Variants in BRIP1 observed in about 807,000 individuals in gnomAD.
BRIP1 encodes the protein Fanconi anemia group J protein.
In BRIP1, 88 loss-of-function variants were observed where a neutral mutation model predicts 119.7. The observed-to-expected ratio is 0.74, with a 90% confidence interval of 0.62 to 0.88. The LOEUF (loss-of-function observed/expected upper bound fraction) is 0.88. Among genes scored for constraint, BRIP1 ranks in the 40% least tolerant of loss-of-function variants. The probability of loss-of-function intolerance (pLI) is 0.00; values close to 1 mark genes in which losing one functional copy is unlikely to be tolerated. For synonymous variants in BRIP1, 443 were observed against 496.5 expected, an observed-to-expected ratio of 0.89 and a Z score of 1.43; for missense variants, 1,259 against 1,455.4, an observed-to-expected ratio of 0.87 and a Z score of 2.20.
At position 61,815,400 on chromosome 17, in the gene BRIP1, T is replaced by C. The variant is rs1186792456; in HGVS notation, c.628-6643A>G. 6.6e-6 allele frequency among the ~76,000 whole-genome samples: 1 copy of C among 152,200 alleles called. No homozygotes were observed. Among genetic ancestry groups the C allele is most frequent in the Non-Finnish European group, 1.5e-5 (1 of 68,022 alleles). On this transcript the variant is annotated intron_variant, in intron 6 of 19. Transcript: ENST00000259008. This position sits in a 1 kb window ranked among gnomAD's most constrained non-coding sequence, Gnocchi z 4.1. ...TTAGGGCTTTATTCCAGAATTTATATCTGGTTTTTTAACGAAAATCAAATG... is the reference window on the plus strand; with the variant it reads ...TTAGGGCTTTATTCCAGAATTTATACCTGGTTTTTTAACGAAAATCAAATG...
Position 61,735,642 on chromosome 17 carries a change from C to T in BRIP1, c.2379+7371G>A, listed in dbSNP as rs574465444. Among the ~76,000 whole-genome samples, 1 of 150,852 alleles carries T rather than the reference C, an allele frequency of 6.6e-6. No individual in the cohort carries two copies. Among genetic ancestry groups the T allele is most frequent in the East Asian group, 2.0e-4 (1 of 5,110 alleles). On this transcript the variant is annotated intron_variant, in intron 16 of 19. Transcript: ENST00000259008. This position sits in a 1 kb window ranked among gnomAD's most constrained non-coding sequence, Gnocchi z 4.4. Reference sequence around the variant, plus strand: ...TGCCTCTACAAAAAAAAAAAAACCACGTTTAAAAATTAGCTGGGTGTGGTG... The same window carrying T: ...TGCCTCTACAAAAAAAAAAAAACCATGTTTAAAAATTAGCTGGGTGTGGTG...
chr17:61,686,440 G>A lies in BRIP1; in HGVS notation c.2576-275C>T, dbSNP rs1567732337. Among the ~76,000 whole-genome samples, 1 of 151,954 alleles carries A rather than the reference G, an allele frequency of 6.6e-6. No individual in the cohort carries two copies. Among genetic ancestry groups the A allele is most frequent in the South Asian group, 2.1e-4 (1 of 4,826 alleles). ...CAGAGATGGGAAAACATATTCTCTGGTTAAGAATAACTGGTGAACATGGCA... is the reference window on the plus strand; with the variant it reads ...CAGAGATGGGAAAACATATTCTCTGATTAAGAATAACTGGTGAACATGGCA... On this transcript the variant is annotated intron_variant, in intron 18 of 19. Transcript: ENST00000259008. The surrounding 1 kb of genome is among the most constrained non-coding windows in gnomAD (Gnocchi z 5.4).
intron 6 of BRIP1, among the ~76,000 whole-genome samples, chr17:61,820,256 A>G (rs990889361): frequency 7.9e-5 from 12 of 152,318 alleles, no homozygotes; most frequent in African/African-American, 2.4e-4. Context: ...AGGTACACAC[A>G]TTTGCCCTCC....
At chr17:61,813,163 C>T (rs551097550) in intron 6 of BRIP1, among the ~76,000 whole-genome samples, 2 of 150,146 alleles carry the variant, frequency 1.3e-5, no homozygotes, top group Non-Finnish European at 3.0e-5. Flanking sequence ...GGCAGGAGTA[C>T]GAAAACTAAG....
At position 61,827,435 on chromosome 17, in the gene BRIP1, T is replaced by TA. The variant is rs1216822910; in HGVS notation, c.628-18679dup. Among the ~76,000 whole-genome samples the TA allele has an allele frequency of 6.6e-6, 1 of 151,584 alleles. No homozygotes were observed. The highest frequency in any genetic ancestry group is 1.5e-5 in the Non-Finnish European group (1 of 67,884). On this transcript the variant is annotated intron_variant, in intron 6 of 19. Coordinates refer to ENST00000259008, the MANE Select transcript of BRIP1 (RefSeq NM_032043.3). The surrounding 1 kb of genome is among the most constrained non-coding windows in gnomAD (Gnocchi z 5.8). ...CTGAACTTAAAATAAAAATTAAATT[T>TA]AAAAAAAATGGGGCTGGGAGTGGTG...
At position 61,765,354 on chromosome 17, in the gene BRIP1, A is replaced by ATGTG. The variant is rs146643187; in HGVS notation, c.2097+11043_2097+11046dup. Among the ~76,000 whole-genome samples, 271 of 41,536 alleles carry ATGTG rather than the reference A, an allele frequency of 6.5e-3. 12 individuals are homozygous for ATGTG. Among genetic ancestry groups the ATGTG allele is most frequent in the Admixed American group, 0.032 (101 of 3,158 alleles). 27.2% of individuals were successfully genotyped at this position (41,536 alleles called of 152,430 possible). ...CATACACATATACACATACATATGTATGTGTGTGTGTGTGTGTGTATATAT... is the reference window on the plus strand; with the variant it reads ...CATACACATATACACATACATATGTATGTGTGTGTGTGTGTGTGTGTGTATATAT... On this transcript the variant is annotated intron_variant, in intron 14 of 19. Transcript: ENST00000259008.
rs1031302672 is a variant in BRIP1 at position 61,738,212 on chromosome 17, A to G, written c.2379+4801T>C. 2.6e-5 allele frequency among the ~76,000 whole-genome samples: 4 copies of G among 152,230 alleles called. No homozygotes were observed. Among genetic ancestry groups the G allele is most frequent in the Admixed American group, 2.6e-4 (4 of 15,290 alleles). On this transcript the variant is annotated intron_variant, in intron 16 of 19. Coordinates refer to ENST00000259008, the MANE Select transcript of BRIP1 (RefSeq NM_032043.3). This position sits in a 1 kb window ranked among gnomAD's most constrained non-coding sequence, Gnocchi z 4.2. ...AGATCATCTGTCACCCAATCACTCC[A>G]GAGATGTATGACCTGTAATAAATGA...
chr17:61,851,501 C>T lies in BRIP1; in HGVS notation c.380-2245G>A, dbSNP rs2078821869. Among the ~76,000 whole-genome samples, 2 of 152,030 alleles carry T rather than the reference C, an allele frequency of 1.3e-5. No individual in the cohort carries two copies. Among genetic ancestry groups the T allele is most frequent in the African/African-American group, 2.4e-5 (1 of 41,410 alleles). ...TTTTCCATATGGACATCTAACAGGC[C>T]TAGCACCACCCAAGTTCTTCCTTTC... On this transcript the variant is annotated intron_variant, in intron 4 of 19. Coordinates refer to ENST00000259008, the MANE Select transcript of BRIP1 (RefSeq NM_032043.3). The surrounding 1 kb of genome is among the most constrained non-coding windows in gnomAD (Gnocchi z 4.6).
chr17:61,697,428 T>C (rs1005597384), intron 17 of BRIP1, among the ~76,000 whole-genome samples: 35 of 151,016 alleles, frequency 2.3e-4, no homozygotes, highest in African/African-American at 7.7e-4. Flanking sequence ...TATGAATTTG[T>C]CCATTTAATC....
At chr17:61,719,204 A>G (rs956277311) in intron 16 of BRIP1, among the ~76,000 whole-genome samples, 4 of 139,980 alleles carry the variant, frequency 2.9e-5, no homozygotes, top group African/African-American at 1.0e-4. Flanking sequence ...TTGCAGCACT[A>G]TTCTCAATAA....
rs1399486762 is a variant in BRIP1, at chr17:61,759,137, TTTAG to T, written c.2098-14550_2098-14547del. On this transcript the variant is annotated intron_variant, in intron 14 of 19. Transcript: ENST00000259008. This position sits in a 1 kb window ranked among gnomAD's most constrained non-coding sequence, Gnocchi z 4.9. ...CATAGAGTCTTAATTCCCAGAGCAATTTAGAAAGAGTAAGAAAAGAAGATCCAAC... is the reference window on the plus strand; with the variant it reads ...CATAGAGTCTTAATTCCCAGAGCAATAAAGAGTAAGAAAAGAAGATCCAAC... Among the ~76,000 whole-genome samples, 1 of 151,972 alleles carries T rather than the reference TTTAG, an allele frequency of 6.6e-6. No individual in the cohort carries two copies. Among genetic ancestry groups the T allele is most frequent in the African/African-American group, 2.4e-5 (1 of 41,402 alleles).
In BRIP1 at chr17:61,848,436, T is replaced by G. The variant is rs2078766647; in HGVS notation, c.507+693A>C. Among the ~76,000 whole-genome samples, 1 of 152,020 alleles carries G rather than the reference T, an allele frequency of 6.6e-6. No homozygotes were observed. The highest frequency in any genetic ancestry group is 2.1e-4 in the South Asian group (1 of 4,800). The stretch of plus-strand genomic sequence containing the variant: ...TATGTCACCCAGGCTGGTCTCAAAC[T>G]GCTGGACTCAAGAGATCCTCCCACC... On this transcript the variant is annotated intron_variant, in intron 5 of 19. Transcript: ENST00000259008. The surrounding 1 kb of genome is among the most constrained non-coding windows in gnomAD (Gnocchi z 4.3).
rs772858019 is a variant in BRIP1 at position 61,799,070 on chromosome 17, A to G, written c.1340+30T>C. On this transcript the variant is annotated intron_variant, in intron 9 of 19. Transcript: ENST00000259008. The surrounding 1 kb of genome is among the most constrained non-coding windows in gnomAD (Gnocchi z 5.1). ...AACATATTTTTCATATAAAGGCAGC[A>G]CAAATACACTAATAGACAAATCTTC... 1.4e-5 allele frequency: 23 copies of G among 1,587,600 alleles called. No homozygotes were observed. Among genetic ancestry groups the G allele is most frequent in the Admixed American group, 1.0e-4 (6 of 59,882 alleles).
Position 61,793,051 on chromosome 17 carries a change from T to C in BRIP1, c.1473+546A>G, listed in dbSNP as rs1204998629. Among the ~76,000 whole-genome samples the C allele has an allele frequency of 6.6e-6, 1 of 151,784 alleles. No homozygotes were observed. Among genetic ancestry groups the C allele is most frequent in the Non-Finnish European group, 1.5e-5 (1 of 67,918 alleles). ...TAATCTATTAATTTAAATAAGTAAA[T>C]AGCAACAAAAAAAGAAAATATATTC... On this transcript the variant is annotated intron_variant, in intron 10 of 19. Transcript: ENST00000259008. This position sits in a 1 kb window ranked among gnomAD's most constrained non-coding sequence, Gnocchi z 5.2.
At chr17:61,688,605 T>C (rs2061395909) in intron 18 of BRIP1, among the ~76,000 whole-genome samples, 1 of 152,184 alleles carries the variant, frequency 6.6e-6, no homozygotes, top group Non-Finnish European at 1.5e-5. Context: ...AGTGAAGGTC[T>C]TTCCCTGTAC....
chr17:61,816,753 A>T lies in BRIP1; in HGVS notation c.628-7996T>A, dbSNP rs1203342974. Among the ~76,000 whole-genome samples the T allele has an allele frequency of 1.9e-5, 1 of 53,988 alleles. No individual in the cohort carries two copies. The highest frequency in any genetic ancestry group is 1.3e-4 in the African/African-American group (1 of 7,806). 35.4% of individuals were successfully genotyped at this position (53,988 alleles called of 152,430 possible). ...AAAACCCAGGGTGTTTATAAAAAATAAAAAGGGGAAAAAGAAGACTCAAAC... is the reference window on the plus strand; with the variant it reads ...AAAACCCAGGGTGTTTATAAAAAATTAAAAGGGGAAAAAGAAGACTCAAAC... On this transcript the variant is annotated intron_variant, in intron 6 of 19. Coordinates refer to ENST00000259008, the MANE Select transcript of BRIP1 (RefSeq NM_032043.3). This position sits in a 1 kb window ranked among gnomAD's most constrained non-coding sequence, Gnocchi z 5.0.
rs986253921 is a variant in BRIP1 at position 61,758,079 on chromosome 17, CAT to C, written c.2098-13490_2098-13489del. On this transcript the variant is annotated intron_variant, in intron 14 of 19. Coordinates refer to ENST00000259008, the MANE Select transcript of BRIP1 (RefSeq NM_032043.3). This position sits in a 1 kb window ranked among gnomAD's most constrained non-coding sequence, Gnocchi z 5.3. ...GGAACAAATTCTTAACTCTTTGAAA[CAT>C]AAATTCTGAATTACTGTTGTTTCAT... is the stretch of plus-strand genomic sequence containing the variant. Among the ~76,000 whole-genome samples, 45 of 151,936 alleles carry C rather than the reference CAT, an allele frequency of 3.0e-4. 1 individual carries two copies. Among genetic ancestry groups the C allele is most frequent in the African/African-American group, 2.4e-5 (1 of 41,384 alleles).
chr17:61,791,196 T>C (rs1383237742), intron 10 of BRIP1, among the ~76,000 whole-genome samples: 1 of 152,014 alleles, frequency 6.6e-6, no homozygotes, highest in South Asian at 2.1e-4. Context: ...ATGGAAGAAT[T>C]TGAGTTTTCT....
Position 61,720,984 on chromosome 17 carries a change from G to T in BRIP1, c.2380-4921C>A, listed in dbSNP as rs1172062925. On this transcript the variant is annotated intron_variant, in intron 16 of 19. Transcript: ENST00000259008. This position sits in a 1 kb window ranked among gnomAD's most constrained non-coding sequence, Gnocchi z 4.3. ...AGCCTCCCAAGTAGCTGGGACTACA[G>T]GCGGCCGCCACCATGCCTAGCTAAT... Among the ~76,000 whole-genome samples the T allele has an allele frequency of 2.0e-5, 3 of 151,838 alleles. No homozygotes were observed. Among genetic ancestry groups the T allele is most frequent in the Admixed American group, 6.6e-5 (1 of 15,230 alleles).
Sources: gnomAD v4.1 joint callset for allele counts (sites outside exome capture counted in the v4.1 genomes callset) on GRCh38, gnomAD v4.1.1 for gene constraint, Gnocchi (gnomAD v3.1) non-coding constraint, MANE v1.5 for transcripts, NCBI Gene and HGNC (gene_info 2026-07-23, HGNC 2026-07-21) for gene names.